SYNPO2: variants seen among roughly 807,000 people sequenced by gnomAD.
SYNPO2 encodes the protein synaptopodin 2, also known as synaptopodin-2.
SYNPO2 carries 56 observed loss-of-function variants against 85.0 expected under a neutral mutation model. That is an observed-to-expected ratio of 0.66 (90% confidence interval 0.53 to 0.82). The LOEUF is 0.82. Ranked by LOEUF, SYNPO2 falls within the 40% of genes least tolerant of loss-of-function variation. The pLI, the probability that SYNPO2 is intolerant of heterozygous loss-of-function variation, is 0.00. For synonymous variants in SYNPO2, 602 were observed against 591.1 expected (o/e 1.02, Z -0.27); for missense variants, 1,575 against 1,534.2 (o/e 1.03, Z -0.44).
chr4:118,868,930 C>G (rs1731750469), intron 1 of SYNPO2, among the ~76,000 whole-genome samples: 1 of 152,180 alleles, frequency 6.6e-6, no homozygotes, highest in Non-Finnish European at 1.5e-5. Context: ...GGCTTGCTTT[C>G]CCACTGATTC....
At chr4:118,886,724 T>G (rs1732205485), upstream of SYNPO2, among the ~76,000 whole-genome samples, 1 of 152,254 alleles carries the variant, frequency 6.6e-6, no homozygotes, top group African/African-American at 2.4e-5. Context: ...TTTTATGATG[T>G]CTCTTGTAAC....
At chr4:119,054,562 C>T (rs1739151356) in intron 4 of SYNPO2, among the ~76,000 whole-genome samples, 1 of 152,080 alleles carries the variant, frequency 6.6e-6, no homozygotes, top group African/African-American at 2.4e-5. Flanking sequence ...TGTAGTCTGT[C>T]CATCTCCCTC....
At chr4:118,899,270 T>A (rs187571256) in intron 1 of SYNPO2, among the ~76,000 whole-genome samples, 11 of 152,340 alleles carry the variant, frequency 7.2e-5, no homozygotes, top group African/African-American at 2.6e-4. Context: ...ATATTTTATG[T>A]ACAGTATAAA....
intron 1 of SYNPO2, among the ~76,000 whole-genome samples, chr4:118,865,116 C>A (rs1731677605): frequency 6.6e-6 from 1 of 152,142 alleles, no homozygotes; most frequent in Non-Finnish European, 1.5e-5. Flanking sequence ...CCAGGCCAGA[C>A]ATCTTAGGAG....
rs182442911 is a variant in SYNPO2, at chr4:119,005,632, C to G, written c.106-17798C>G. On this transcript the variant is annotated intron_variant, in intron 1 of 4. Transcript: ENST00000307142. ...ACCATGCTGTTTTGGTTACTGTAGC[C>G]TTGTAGTATAGTTTGAAGTCAGATA... Among the ~76,000 whole-genome samples, 7 of 150,358 alleles carry G rather than the reference C, an allele frequency of 4.7e-5. 1 individual carries two copies. The Admixed American group carries it at 4.7e-4, about 10-fold the overall frequency.
chr4:118,856,447 C>T (rs1731507849), intron 1 of SYNPO2, among the ~76,000 whole-genome samples: 1 of 152,110 alleles, frequency 6.6e-6, no homozygotes, highest in African/African-American at 2.4e-5. Context: ...CGCACTAAGC[C>T]ATGGTTTATA....
At chr4:118,951,379 TC>T in intron 1 of SYNPO2, among the ~76,000 whole-genome samples, 1 of 152,298 alleles carries the variant, frequency 6.6e-6, no homozygotes, top group Middle Eastern at 3.4e-3. Flanking sequence ...AGGTCACTTA[TC>T]CCATTCATGA....
At chr4:118,962,597 T>A (rs1735143452) in intron 1 of SYNPO2, among the ~76,000 whole-genome samples, 1 of 152,196 alleles carries the variant, frequency 6.6e-6, no homozygotes, top group African/African-American at 2.4e-5. Flanking sequence ...TAGGAGAACT[T>A]TGACTATTTT....
intron 4 of SYNPO2, chr4:119,034,792 G>A: frequency 1.0e-6 from 1 of 985,524 alleles, no homozygotes; most frequent in Non-Finnish European, 1.2e-6. Context: ...TCAGGTTGGG[G>A]CCAAGGAAGT....
intron 1 of SYNPO2, among the ~76,000 whole-genome samples, chr4:118,968,702 T>C (rs1735409244): frequency 6.6e-6 from 1 of 152,208 alleles, no homozygotes; most frequent in South Asian, 2.1e-4. Context: ...TTTTTTCTTT[T>C]TAAAGAACTT....
chr4:119,038,432 A>G, intron 4 of SYNPO2: 5 of 985,290 alleles, frequency 5.1e-6, no homozygotes, highest in Non-Finnish European at 6.0e-6. Flanking sequence ...TCATTTTCTT[A>G]TTTCAGAATG....
At chr4:118,941,475 C>T (rs1734310756) in intron 1 of SYNPO2, among the ~76,000 whole-genome samples, 1 of 152,196 alleles carries the variant, frequency 6.6e-6, no homozygotes, top group Non-Finnish European at 1.5e-5. Context: ...CTTCCAATTG[C>T]CTTCAAGATA....
At chr4:119,008,435 C>A (rs1578638248) in intron 1 of SYNPO2, among the ~76,000 whole-genome samples, 1 of 139,752 alleles carries the variant, frequency 7.2e-6, no homozygotes, top group Non-Finnish European at 1.6e-5. Flanking sequence ...ATTGCACAGG[C>A]TTTTTTTTTT....
intron 1 of SYNPO2, among the ~76,000 whole-genome samples, chr4:118,894,592 A>T (rs576251393): frequency 4.6e-5 from 7 of 151,808 alleles, no homozygotes; most frequent in Admixed American, 3.9e-4. Context: ...ACAAAACTGG[A>T]GAAAGATGCA....
chr4:118,858,687 C>G (rs571000943), intron 1 of SYNPO2, among the ~76,000 whole-genome samples: 1 of 152,118 alleles, frequency 6.6e-6, no homozygotes, highest in African/African-American at 2.4e-5. Flanking sequence ...CACCTGGAAG[C>G]TTTCTTTGAA....
intron 4 of SYNPO2, among the ~76,000 whole-genome samples, chr4:119,057,084 C>A (rs1739229910): frequency 6.6e-6 from 1 of 152,228 alleles, no homozygotes; most frequent in African/African-American, 2.4e-5. Context: ...AGAGCCCCCG[C>A]CCTGCCCCTA....
chr4:118,972,048 C>T (rs1034646340), intron 1 of SYNPO2, among the ~76,000 whole-genome samples: 2 of 152,194 alleles, frequency 1.3e-5, no homozygotes, highest in Non-Finnish European at 2.9e-5. Context: ...TATTTAATCT[C>T]CACAGAAATT....
At chr4:118,982,963 G>T (rs1272288331) in intron 1 of SYNPO2, among the ~76,000 whole-genome samples, 1 of 129,248 alleles carries the variant, frequency 7.7e-6, no homozygotes, top group Non-Finnish European at 1.8e-5. Context: ...CAGATGAGTA[G>T]CTTCTTTAGT....
At chr4:119,029,542 T>A (rs1308862053) in intron 3 of SYNPO2, among the ~76,000 whole-genome samples, 2 of 152,296 alleles carry the variant, frequency 1.3e-5, no homozygotes, top group Non-Finnish European at 2.9e-5. Context: ...AATTGACATT[T>A]ACTAGCCAGT....
Sources: allele counts gnomAD v4.1 joint callset (sites outside exome capture counted in the v4.1 genomes callset), GRCh38; gene constraint gnomAD v4.1.1; transcripts MANE v1.5; gene names NCBI Gene and HGNC (gene_info 2026-07-23, HGNC 2026-07-21).